Variants in PDE9A observed in about 807,000 individuals in gnomAD.
PDE9A encodes the protein phosphodiesterase 9A, also known as high affinity cGMP-specific 3',5'-cyclic phosphodiesterase 9A.
In PDE9A, 60 loss-of-function variants were observed where a neutral mutation model predicts 87.4. The ratio of observed to expected loss-of-function variants is 0.69; its 90% CI spans 0.56 to 0.85. The LOEUF (loss-of-function observed/expected upper bound fraction) is 0.85. PDE9A is among the 40% of genes least tolerant of loss of function. The pLI is 0.00. For missense variants in PDE9A, 665 were observed against 779.0 expected (o/e 0.85, Z 1.74); for synonymous variants, 272 against 279.4 (o/e 0.97, Z 0.27).
intron 4 of PDE9A, among the ~76,000 whole-genome samples, chr21:42,730,920 C>T (rs1195078985): frequency 2.6e-5 from 4 of 152,034 alleles, no homozygotes; most frequent in Non-Finnish European, 4.4e-5. Flanking sequence ...AAGTTGGATT[C>T]TTGAAATTTT....
intron 10 of PDE9A, among the ~76,000 whole-genome samples, chr21:42,755,196 T>C (rs1365873548): frequency 6.6e-6 from 1 of 152,254 alleles, no homozygotes; most frequent in Non-Finnish European, 1.5e-5. Context: ...CAAGCTCACC[T>C]GTGCTCTTTG....
chr21:42,772,497 G>A lies in PDE9A; in HGVS notation c.1745G>A (p.Ser582Asn). The A allele has an allele frequency of 6.2e-7, 1 of 1,608,204 alleles. No homozygotes were observed. The highest frequency in any genetic ancestry group is 1.1e-5 in the South Asian group (1 of 89,274). ...SGATEKSRER[S>N]RDVKNSEGDC... ...GCCACCGAGAAGTCCAGAGAGAGAA[G>A]CAGAGATGTGAAAAACAGTGAAGGT... The change falls in exon 19 of 20, where the codon AGC (serine) becomes AAC (asparagine). Residue 582 changes from serine (S) to asparagine (N), a missense_variant. By Grantham distance (46) the Ser-to-Asn change is conservative. Transcript: ENST00000291539.
In PDE9A at chr21:42,769,091, A is replaced by C. The variant is rs369789924; in HGVS notation, c.1526A>C (p.Lys509Thr). The C allele has an allele frequency of 2.9e-5, 46 of 1,613,804 alleles. No individual in the cohort carries two copies. Among genetic ancestry groups the C allele is most frequent in the Non-Finnish European group, 1.7e-6 (2 of 1,179,796 alleles). The change falls in exon 17 of 20, where the codon AAG (lysine) becomes ACG (threonine). Residue 509 changes from lysine (K) to threonine (T), a missense_variant. By Grantham distance (78) the Lys-to-Thr change is moderately conservative. Transcript: ENST00000291539. ...TTCATGGACCGAGACAAAGTGACCA[A>C]GGCCACAGCCCAGATTGGGTTCATC... ...APFMDRDKVT[K>T]ATAQIGFIKF...
rs1215589831 is a variant in PDE9A, at chr21:42,705,104, T to C, written c.262+6093T>C. On this transcript the variant is annotated intron_variant, in intron 4 of 19. Coordinates refer to ENST00000291539, the MANE Select transcript of PDE9A (RefSeq NM_002606.3). This position sits in a 1 kb window ranked among gnomAD's most constrained non-coding sequence, Gnocchi z 4.3. ...CATGGCACAGCCTCGTTCTCCAGCG[T>C]AGAGTAGAAGGAATGGCCCCGTCCA... Among the ~76,000 whole-genome samples, 1 of 152,084 alleles carries C rather than the reference T, an allele frequency of 6.6e-6. No homozygotes were observed. The highest frequency in any genetic ancestry group is 1.9e-4 in the East Asian group (1 of 5,166).
At chr21:42,769,199 A>G (rs746487303) in intron 17 of PDE9A, 44 bp downstream of exon 17, 1 of 1,581,748 alleles carries the variant, frequency 6.3e-7, no homozygotes, top group South Asian at 1.1e-5. Flanking sequence ...ACACTCAGAT[A>G]CATGCATGCA....
chr21:42,707,990 C>A (rs1290403528), intron 4 of PDE9A, among the ~76,000 whole-genome samples: 1 of 152,156 alleles, frequency 6.6e-6, no homozygotes, highest in Non-Finnish European at 1.5e-5. Context: ...TTCCTAAGGT[C>A]TAAAACAAAA....
intron 1 of PDE9A, among the ~76,000 whole-genome samples, chr21:42,676,169 A>T (rs1239341885): frequency 1.3e-5 from 2 of 152,158 alleles, no homozygotes; most frequent in African/African-American, 4.8e-5. Context: ...CCATGCTTAT[A>T]CAGCCTGCAG....
At chr21:42,661,735 T>C (rs1322809283) in intron 1 of PDE9A, among the ~76,000 whole-genome samples, 2 of 152,208 alleles carry the variant, frequency 1.3e-5, no homozygotes, top group Non-Finnish European at 2.9e-5. Flanking sequence ...ATGGGTTTAT[T>C]GTTGCATCTT....
chr21:42,765,720 C>T (rs2056329239), intron 15 of PDE9A: 2 of 524,940 alleles, frequency 3.8e-6, no homozygotes, highest in African/African-American at 1.9e-5. Context: ...TCTCCCATTC[C>T]TCCATCTCTT....
chr21:42,702,112 GC>G lies in PDE9A; in HGVS notation c.262+3103del, dbSNP rs750093776. On this transcript the variant is annotated intron_variant, in intron 4 of 19. Transcript: ENST00000291539. This position sits in a 1 kb window ranked among gnomAD's most constrained non-coding sequence, Gnocchi z 4.9. ...ACCCTAACTACCTGAATGATAGACAGCCTGAGAGCGTCCCCTGACTCACTCA... is the reference window on the plus strand; with the variant it reads ...ACCCTAACTACCTGAATGATAGACAGCTGAGAGCGTCCCCTGACTCACTCA... 1.3e-5 allele frequency among the ~76,000 whole-genome samples: 2 copies of G among 152,172 alleles called. No individual in the cohort carries two copies. Among genetic ancestry groups the G allele is most frequent in the Non-Finnish European group, 2.9e-5 (2 of 68,006 alleles).
At chr21:42,714,384 C>T (rs1056375074) in intron 4 of PDE9A, among the ~76,000 whole-genome samples, 2 of 152,210 alleles carry the variant, frequency 1.3e-5, no homozygotes, top group African/African-American at 4.8e-5. Flanking sequence ...GTGTCGCACC[C>T]AGATGGTGAG....
chr21:42,679,227 G>A (rs1301812361), intron 1 of PDE9A, among the ~76,000 whole-genome samples: 4 of 152,176 alleles, frequency 2.6e-5, no homozygotes, highest in Non-Finnish European at 4.4e-5. Flanking sequence ...CCTGCCCGCA[G>A]GCTGCTGCTG....
At chr21:42,686,166 C>T (rs371370679) in intron 1 of PDE9A, 26 bp from the exon 2 acceptor site, 10 of 1,600,060 alleles carry the variant, frequency 6.2e-6, no homozygotes, top group Non-Finnish European at 7.7e-6. Flanking sequence ...CCCTCGCTGC[C>T]GCCTCACCGC....
At chr21:42,710,579 A>G (rs2146453528) in intron 4 of PDE9A, among the ~76,000 whole-genome samples, 1 of 152,292 alleles carries the variant, frequency 6.6e-6, no homozygotes, top group East Asian at 1.9e-4. Flanking sequence ...TGTAAGAGCA[A>G]TCCTATCTTC....
Position 42,739,357 on chromosome 21 carries a change from G to A in PDE9A, c.569-4419G>A, listed in dbSNP as rs558377517. Among the ~76,000 whole-genome samples the A allele has an allele frequency of 9.2e-5, 14 of 152,294 alleles. No homozygotes were observed. The highest frequency in any genetic ancestry group is 3.4e-4 in the African/African-American group (14 of 41,558). On this transcript the variant is annotated intron_variant, in intron 7 of 19. Transcript: ENST00000291539. This position sits in a 1 kb window ranked among gnomAD's most constrained non-coding sequence, Gnocchi z 4.1. ...GGTGGAGCAGGGCTGGCAGTGGGTC[G>A]AAGAGGGGAGCTGTGGAATCTTCCC...
chr21:42,737,580 C>A (rs1052808798), intron 7 of PDE9A, among the ~76,000 whole-genome samples: 1 of 152,178 alleles, frequency 6.6e-6, no homozygotes, highest in African/African-American at 2.4e-5. Context: ...GTCTCAGCCT[C>A]CCAAGTAGCT....
intron 10 of PDE9A, among the ~76,000 whole-genome samples, chr21:42,754,440 A>G (rs1271040855): frequency 1.3e-5 from 2 of 152,204 alleles, no homozygotes; most frequent in East Asian, 1.9e-4. Context: ...TCTCTCCTCA[A>G]GGAAGGGGCT....
intron 4 of PDE9A, chr21:42,701,205 T>C (rs1569170226): frequency 1.3e-5 from 2 of 152,166 alleles, no homozygotes; most frequent in African/African-American, 4.8e-5. Flanking sequence ...CACTATTTCA[T>C]GTATTTAATG....
In PDE9A at chr21:42,733,481, A is replaced by G. The variant is rs1602337943; in HGVS notation, c.568+55A>G. ...TCTCTGTCCTTTAACCTCTATTCAAATTAACCACTTGGAACGGGGAGGAGT... is the reference window on the plus strand; with the variant it reads ...TCTCTGTCCTTTAACCTCTATTCAAGTTAACCACTTGGAACGGGGAGGAGT... On this transcript the variant is annotated intron_variant, in intron 7 of 19. Transcript: ENST00000291539. 50 of 1,012,534 alleles carry G rather than the reference A, an allele frequency of 4.9e-5. No individual in the cohort carries two copies. The East Asian group carries it at 1.2e-3, about 24-fold the overall frequency. 62.7% of individuals were successfully genotyped at this position (1,012,534 alleles called of 1,614,324 possible). A position where few individuals can be genotyped will look rare whatever the true frequency, so the allele number is the denominator to read the frequency against.
Sources: gnomAD v4.1 joint callset for allele counts (sites outside exome capture counted in the v4.1 genomes callset) on GRCh38, gnomAD v4.1.1 for gene constraint, Gnocchi (gnomAD v3.1) non-coding constraint, MANE v1.5 for transcripts, NCBI Gene and HGNC (gene_info 2026-07-23, HGNC 2026-07-21) for gene names.